Variants in MRC1 observed in about 807,000 individuals in gnomAD.
MRC1 encodes the protein mannose receptor C-type 1, also known as macrophage mannose receptor 1.
Under a neutral mutation model 102.9 loss-of-function variants are expected in MRC1, and 62 were observed. The ratio of observed to expected loss-of-function variants is 0.60; its 90% CI spans 0.49 to 0.74. The LOEUF (loss-of-function observed/expected upper bound fraction) is 0.74, where lower values mean the gene tolerates loss of function less well. Among genes scored for constraint, MRC1 ranks in the 30% least tolerant of loss-of-function variants. MRC1 has a pLI of 0.00. For synonymous variants in MRC1, 457 were observed against 298.4 expected (o/e 1.53, Z -5.48); for missense variants, 1,237 against 862.8 (o/e 1.43, Z -5.43).
At chr10:17,895,222 A>T (rs998349033) in intron 23 of MRC1, among the ~76,000 whole-genome samples, 21 of 152,126 alleles carry the variant, frequency 1.4e-4, no homozygotes, top group African/African-American at 5.1e-4. Context: ...TCACAAAAAT[A>T]AAAACAAAAA....
intron 5 of MRC1, among the ~76,000 whole-genome samples, chr10:17,844,037 CA>C (rs1408112337): frequency 6.6e-6 from 1 of 152,154 alleles, no homozygotes; most frequent in Non-Finnish European, 1.5e-5. Context: ...TGCCTACATT[CA>C]TCCCTTTAGC....
At chr10:17,888,266 G>A (rs953710694) in intron 22 of MRC1, among the ~76,000 whole-genome samples, 4 of 152,176 alleles carry the variant, frequency 2.6e-5, no homozygotes, top group Admixed American at 2.6e-4. Context: ...ATAATGGGGG[G>A]TAAAAATAGT....
At chr10:17,843,267 C>G (rs370747358) in intron 5 of MRC1, among the ~76,000 whole-genome samples, 2,051 of 152,270 alleles carry the variant, frequency 0.013, 48 homozygotes, top group South Asian at 0.062. Flanking sequence ...GATACCTTAT[C>G]TGTTAGTTCA....
chr10:17,860,820 G>T (rs1044944744), intron 9 of MRC1, among the ~76,000 whole-genome samples: 1 of 152,110 alleles, frequency 6.6e-6, no homozygotes, highest in Non-Finnish European at 1.5e-5. Flanking sequence ...AGTTTTCGTT[G>T]CAAGATACAT....
chr10:17,820,794 A>G (rs1838383841), intron 1 of MRC1, among the ~76,000 whole-genome samples: 1 of 152,178 alleles, frequency 6.6e-6, no homozygotes, highest in Non-Finnish European at 1.5e-5. Flanking sequence ...AGTTCATTAC[A>G]TTTTGAGATT....
At chr10:17,834,203 G>A (rs1217229995) in intron 4 of MRC1, among the ~76,000 whole-genome samples, 1 of 152,168 alleles carries the variant, frequency 6.6e-6, no homozygotes. Context: ...GAAGCCACAG[G>A]TCTTTCATTA....
chr10:17,859,658 C>A (rs975016109), intron 9 of MRC1, among the ~76,000 whole-genome samples: 2 of 152,064 alleles, frequency 1.3e-5, no homozygotes, highest in African/African-American at 4.8e-5. Context: ...CCTCTCCATC[C>A]CCACCCATCT....
chr10:17,884,111 C>T (rs929299373), intron 21 of MRC1, among the ~76,000 whole-genome samples: 20 of 152,114 alleles, frequency 1.3e-4, no homozygotes, highest in Admixed American at 8.5e-4. Flanking sequence ...GGACTACAGG[C>T]GCATGACACC....
intron 11 of MRC1, among the ~76,000 whole-genome samples, chr10:17,866,055 T>TA (rs1833262058): frequency 6.6e-6 from 1 of 152,188 alleles, no homozygotes; most frequent in East Asian, 1.9e-4. Flanking sequence ...TGGCATTCCT[T>TA]ACAGTTCTAT....
rs1324279939 is a variant in MRC1 at position 17,909,321 on chromosome 10, C to T, written c.4094C>T (p.Pro1365Leu). The change falls in exon 29 of 30, where the codon CCT (proline) becomes CTT (leucine). Residue 1365 changes from proline (P) to leucine (L), a missense_variant. Transcript: ENST00000569591. ...TTACACACAGTTATTGATGCTAAAC[C>T]TACTCATGAATTACTTACAACAAAA... ...CKRPKIIDAK[P>L]THELLTTKAD... is the part of the protein sequence containing the mutation. The T allele has an allele frequency of 1.1e-6, 1 of 870,996 alleles. No homozygotes were observed. The highest frequency in any genetic ancestry group is 2.0e-6 in the Non-Finnish European group (1 of 500,778). The allele number at this position is 870,996 out of a possible 1,614,324, so 54.0% of individuals were successfully genotyped here.
At chr10:17,884,424 AG>A (rs1474912409) in intron 21 of MRC1, among the ~76,000 whole-genome samples, 113 of 152,306 alleles carry the variant, frequency 7.4e-4, no homozygotes, top group African/African-American at 2.7e-3. Flanking sequence ...ATAATTTGAT[AG>A]CTGTGTTAGT....
At chr10:17,864,083 A>C (rs1405905484) in intron 11 of MRC1, among the ~76,000 whole-genome samples, 1 of 151,960 alleles carries the variant, frequency 6.6e-6, no homozygotes, top group Non-Finnish European at 1.5e-5. Context: ...GCTCACTGCA[A>C]CCTCAACCTT....
In MRC1 at chr10:17,873,764, A is replaced by G. The variant is rs1487748547; in HGVS notation, c.2345-20A>G. On this transcript the variant is annotated intron_variant, in intron 15 of 29. Coordinates refer to ENST00000569591, the MANE Select transcript of MRC1 (RefSeq NM_002438.4). ...AGAAGTTTAAGTACACTTTATTTCTATTTTTCTCTTGTTTTACAGGACAAA... is the reference window on the plus strand; with the variant it reads ...AGAAGTTTAAGTACACTTTATTTCTGTTTTTCTCTTGTTTTACAGGACAAA... 1 of 871,984 alleles carries G rather than the reference A, an allele frequency of 1.1e-6. No individual in the cohort carries two copies. The highest frequency in any genetic ancestry group is 1.6e-5 in the African/African-American group (1 of 61,308). 54.0% of individuals were successfully genotyped at this position (871,984 alleles called of 1,614,324 possible).
At chr10:17,820,475 A>T (rs1356287593) in intron 1 of MRC1, among the ~76,000 whole-genome samples, 1 of 152,218 alleles carries the variant, frequency 6.6e-6, no homozygotes, top group African/African-American at 2.4e-5. Flanking sequence ...TGAAGGAGGA[A>T]CACTGTTCAT....
intron 10 of MRC1, chr10:17,862,826 C>T (rs1833204351): frequency 6.6e-6 from 1 of 152,190 alleles, no homozygotes; most frequent in African/African-American, 2.4e-5. Context: ...TCTCAAAAGA[C>T]AGACTTTTTC....
Position 17,885,328 on chromosome 10 carries a change from G to T in MRC1, c.3040G>T (p.Val1014Phe). ...CAGTGCCTGGACTGGGCTGAATGAT[G>T]TCAATTCAGAACACACGTTCCTTTG... Reference protein sequence around the residue: ...TFSAWTGLNDVNSEHTFLWTD... With the variant: ...TFSAWTGLNDFNSEHTFLWTD... Residue 1014 changes from valine (V) to phenylalanine (F), a missense_variant, in exon 22 of 30, where the codon GTC becomes TTC. Physicochemically the swap from Val to Phe is conservative, Grantham distance 50. Transcript: ENST00000569591. 2.6e-6 allele frequency: 2 copies of T among 780,874 alleles called. No individual in the cohort carries two copies. Among genetic ancestry groups the T allele is most frequent in the Non-Finnish European group, 4.8e-6 (2 of 417,958 alleles). 48.4% of individuals were successfully genotyped at this position (780,874 alleles called of 1,614,324 possible).
At chr10:17,832,503 C>T (rs1310661171) in intron 3 of MRC1, among the ~76,000 whole-genome samples, 1 of 148,880 alleles carries the variant, frequency 6.7e-6, no homozygotes, top group Non-Finnish European at 1.5e-5. Context: ...TGCAGTGAGC[C>T]GAGATTGCAC....
intron 29 of MRC1, among the ~76,000 whole-genome samples, chr10:17,909,694 A>G (rs1427537414): frequency 6.6e-6 from 1 of 150,534 alleles, no homozygotes; most frequent in African/African-American, 2.4e-5. Context: ...GACTACTTGA[A>G]TTAGGTAACT....
chr10:17,843,511 C>G (rs1838780473), intron 5 of MRC1, among the ~76,000 whole-genome samples: 1 of 151,866 alleles, frequency 6.6e-6, no homozygotes, highest in Non-Finnish European at 1.5e-5. Flanking sequence ...ACTAAAAATA[C>G]AAAAATTAGC....
Sources: gnomAD v4.1 joint callset for allele counts (sites outside exome capture counted in the v4.1 genomes callset) on GRCh38, gnomAD v4.1.1 for gene constraint, MANE v1.5 for transcripts, NCBI Gene and HGNC (gene_info 2026-07-23, HGNC 2026-07-21) for gene names.